The following KANK2 variants were observed in gnomAD, a reference collection of about 807,000 sequenced individuals.
The protein encoded by KANK2 is KN motif and ankyrin repeat domains 2.
In KANK2, 41 loss-of-function variants were observed where a neutral mutation model predicts 74.6. The observed-to-expected ratio is 0.55, with a 90% CI of 0.43 to 0.71. The LOEUF (loss-of-function observed/expected upper bound fraction) is 0.71. Ranked by LOEUF, KANK2 falls within the 30% of genes least tolerant of loss-of-function variation. KANK2 has a pLI of 0.00. For missense variants in KANK2, 1,148 were observed against 1,196.4 expected (o/e 0.96, Z 0.60); for synonymous variants, 537 against 519.0 (o/e 1.03, Z -0.47).
chr19:11,186,792 G>A (rs1184170434), intron 4 of KANK2, among the ~76,000 whole-genome samples: 2 of 152,220 alleles, frequency 1.3e-5, no homozygotes, highest in Admixed American at 6.5e-5. Flanking sequence ...CACGGTGTTA[G>A]GAGTGCGGAT....
chr19:11,183,287 C>G (rs1339790035), intron 4 of KANK2, among the ~76,000 whole-genome samples: 2 of 152,152 alleles, frequency 1.3e-5, no homozygotes, highest in African/African-American at 4.8e-5. Flanking sequence ...GGGGTTTCCC[C>G]AAGCCAGTGG....
intron 12 of KANK2, among the ~76,000 whole-genome samples, chr19:11,168,261 C>T (rs1269156547): frequency 6.6e-6 from 1 of 151,856 alleles, no homozygotes; most frequent in East Asian, 1.9e-4. Flanking sequence ...ACCTTGGCCT[C>T]CCAAAGTGCT....
rs1347678650 is a variant in KANK2, at chr19:11,181,113, A to AAAAAAG, written c.1250-2394_1250-2393insCTTTTT. On this transcript the variant is annotated intron_variant, in intron 4 of 12. Coordinates refer to ENST00000586659, the MANE Select transcript of KANK2 (RefSeq NM_001136191.3). ...CAAAAAAAAAAAAAAAAAAAAAAAA[A>AAAAAAG]AAATTCTGGGAGAGCCAAAAAATGA... 1.2e-3 allele frequency among the ~76,000 whole-genome samples: 119 copies of AAAAAAG among 98,338 alleles called. 19 individuals carry two copies. The highest frequency in any genetic ancestry group is 5.4e-3 in the Middle Eastern group (1 of 184). 64.5% of individuals were successfully genotyped at this position (98,338 alleles called of 152,430 possible).
intron 6 of KANK2, among the ~76,000 whole-genome samples, chr19:11,177,629 G>C (rs1458025219): frequency 6.6e-6 from 1 of 152,176 alleles, no homozygotes; most frequent in Non-Finnish European, 1.5e-5. Context: ...TGGGATTACA[G>C]ATGTGAGCCA....
At chr19:11,192,789 C>T in intron 4 of KANK2, 42 bp downstream of exon 4, 11 of 1,576,748 alleles carry the variant, frequency 7.0e-6, no homozygotes, top group Non-Finnish European at 9.5e-6. Flanking sequence ...AGAGGCCCCC[C>T]CCCCCCAAGC....
At chr19:11,169,419 G>A (rs1203237211) in intron 12 of KANK2, among the ~76,000 whole-genome samples, 1 of 151,858 alleles carries the variant, frequency 6.6e-6, no homozygotes, top group African/African-American at 2.4e-5. Flanking sequence ...GAGGTGAAAG[G>A]ATCACTTGAG....
At chr19:11,168,613 G>A (rs1242923855) in intron 12 of KANK2, among the ~76,000 whole-genome samples, 1 of 152,100 alleles carries the variant, frequency 6.6e-6, no homozygotes, top group Middle Eastern at 3.2e-3. Context: ...ACTCCATAAG[G>A]GTGGATACTG....
chr19:11,179,129 A>T (rs2078436891), intron 4 of KANK2, among the ~76,000 whole-genome samples: 1 of 151,642 alleles, frequency 6.6e-6, no homozygotes, highest in African/African-American at 2.4e-5. Flanking sequence ...CAGCCTGGCT[A>T]ACATGGTGAA....
chr19:11,182,280 G>C (rs1366373047), intron 4 of KANK2, among the ~76,000 whole-genome samples: 1 of 151,970 alleles, frequency 6.6e-6, no homozygotes, highest in African/African-American at 2.4e-5. Flanking sequence ...AAATTTGAGA[G>C]GCTGAGGCAG....
chr19:11,166,719 G>GTGGCCCC lies in KANK2; in HGVS notation c.2503-115_2503-109dup, dbSNP rs200597892. 0.032 allele frequency: 32,508 copies of GTGGCCCC among 1,016,176 alleles called. 991 individuals carry two copies. The highest frequency in any genetic ancestry group is 0.085 in the Admixed American group (4,397 of 51,720). The allele number at this position is 1,016,176 out of a possible 1,614,324, so 62.9% of individuals were successfully genotyped here. ...TATGATGGGTAAGCAGGAGGGAGGCGTGGCCCCTGGCCCCAAGGAGGTGGC... is the reference window on the plus strand; with the variant it reads ...TATGATGGGTAAGCAGGAGGGAGGCGTGGCCCCTGGCCCCTGGCCCCAAGGAGGTGGC... On this transcript the variant is annotated intron_variant, in intron 12 of 12. Transcript: ENST00000586659.
chr19:11,173,946 A>G (rs1237542722), intron 9 of KANK2, among the ~76,000 whole-genome samples: 1 of 150,936 alleles, frequency 6.6e-6, no homozygotes, highest in African/African-American at 2.4e-5. Context: ...TGTCTCCTCC[A>G]TTAAACTAGG....
rs1387742561 is a variant in KANK2, at chr19:11,165,429, G to A, written c.*1129C>T. On this transcript the variant is annotated 3_prime_UTR_variant, in exon 13 of 13. Transcript: ENST00000586659. ...CAGGACGGCCCTGTGACCATAGTCTGGGGCCTGGCGGCGGGGACGCAGAAG... is the reference window on the plus strand; with the variant it reads ...CAGGACGGCCCTGTGACCATAGTCTAGGGCCTGGCGGCGGGGACGCAGAAG... The A allele has an allele frequency of 6.6e-6, 1 of 152,164 alleles. No individual in the cohort carries two copies. The highest frequency in any genetic ancestry group is 1.5e-5 in the Non-Finnish European group (1 of 68,048). 9.4% of individuals were successfully genotyped at this position (152,164 alleles called of 1,614,324 possible).
intron 6 of KANK2, among the ~76,000 whole-genome samples, chr19:11,177,185 C>A (rs962383460): frequency 2.1e-5 from 3 of 141,818 alleles, no homozygotes; most frequent in African/African-American, 8.0e-5. Context: ...CTCCTGGGTT[C>A]AAGCAATTCT....
chr19:11,192,893 G>A lies in KANK2; in HGVS notation c.1187C>T (p.Thr396Ile), dbSNP rs377237607. The change falls in exon 4 of 13, where the codon ACC becomes ATC. Residue 396 changes from threonine to isoleucine, a missense_variant. Transcript: ENST00000586659. ...ETMCPVPAAA[T>I]SNVHMVKKIS... The stretch of plus-strand genomic sequence containing the variant: ...CTTCTTCACCATATGGACGTTGCTG[G>A]TAGCTGCAGCGGGCACTGGGCACAT... The A allele has an allele frequency of 2.4e-5, 38 of 1,613,986 alleles. No individual in the cohort carries two copies. Among genetic ancestry groups the A allele is most frequent in the Non-Finnish European group, 3.0e-5 (35 of 1,180,016 alleles).
Position 11,170,206 on chromosome 19 carries a change from C to T in KANK2, c.2254G>A (p.Val752Met). 6.2e-7 allele frequency: 1 copy of T among 1,611,218 alleles called. No homozygotes were observed. The highest frequency in any genetic ancestry group is 8.5e-7 in the Non-Finnish European group (1 of 1,180,016). ...GCCAGCAGGGCTTTGACAACGTCCA[C>T]CCGCCCGTGGCTGACGGCCAGCATC... is the stretch of plus-strand genomic sequence containing the variant. ...ALMLAVSHGR[V>M]DVVKALLACE... The change falls in exon 11 of 13, where the codon GTG becomes ATG. Residue 752 changes from valine to methionine, a missense_variant. Val to Met is a conservative substitution (Grantham distance 21, BLOSUM62 1). Transcript: ENST00000586659. This position sits in a 1 kb window ranked among gnomAD's most constrained non-coding sequence, Gnocchi z 5.2.
chr19:11,187,094 A>G (rs543093172), intron 4 of KANK2, among the ~76,000 whole-genome samples: 1 of 151,844 alleles, frequency 6.6e-6, no homozygotes, highest in East Asian at 1.9e-4. Flanking sequence ...CGTCTCTACT[A>G]AAAATACAAA....
At chr19:11,184,173 C>T (rs933680404) in intron 4 of KANK2, among the ~76,000 whole-genome samples, 5 of 151,928 alleles carry the variant, frequency 3.3e-5, no homozygotes, top group Non-Finnish European at 7.4e-5. Flanking sequence ...GTCAGGAGTT[C>T]GAGATCAGCC....
intron 4 of KANK2, among the ~76,000 whole-genome samples, chr19:11,181,688 T>C (rs1048134433): frequency 4.6e-5 from 7 of 152,002 alleles, no homozygotes; most frequent in South Asian, 4.1e-4. Context: ...ATGGTGACAG[T>C]TGCGCAACAG....
Position 11,181,088 on chromosome 19 carries a change from CAA to C in KANK2, c.1250-2370_1250-2369del, listed in dbSNP as rs752985367. The stretch of plus-strand genomic sequence containing the variant: ...GGGGATAGAGCGAGACTCTTGTCTC[CAA>C]AAAAAAAAAAAAAAAAAAAAAAAAA... On this transcript the variant is annotated intron_variant, in intron 4 of 12. Transcript: ENST00000586659. 2.0e-3 allele frequency among the ~76,000 whole-genome samples: 47 copies of C among 24,102 alleles called. 1 individual carries two copies. The South Asian group carries it at 0.038, about 20-fold the overall frequency. 15.8% of individuals were successfully genotyped at this position (24,102 alleles called of 152,430 possible).
Sources: allele counts gnomAD v4.1 joint callset (sites outside exome capture counted in the v4.1 genomes callset), GRCh38; gene constraint gnomAD v4.1.1; non-coding constraint Gnocchi (gnomAD v3.1); transcripts MANE v1.5; gene names NCBI Gene and HGNC (gene_info 2026-07-23, HGNC 2026-07-21).